The following HMGA2 variants were observed in gnomAD, a reference collection of about 807,000 sequenced individuals.
The protein encoded by HMGA2 is high mobility group AT-hook 2.
A neutral mutation model predicts 19.1 loss-of-function variants in HMGA2; 8 were observed. That is an observed-to-expected ratio of 0.42 (90% CI 0.25 to 0.76). HMGA2 has a LOEUF of 0.76. Ranked by LOEUF, HMGA2 falls within the 30% of genes least tolerant of loss-of-function variation. The pLI, the probability that HMGA2 is intolerant of heterozygous loss-of-function variation, is 0.28. For synonymous variants in HMGA2, 60 were observed against 48.8 expected, an observed-to-expected ratio of 1.23 and a Z score of -0.96; for missense variants, 109 against 136.3, an observed-to-expected ratio of 0.80 and a Z score of 1.00.
intron 3 of HMGA2, among the ~76,000 whole-genome samples, chr12:65,933,255 G>A (rs1005029595): frequency 2.6e-5 from 4 of 152,004 alleles, no homozygotes; most frequent in African/African-American, 2.4e-5. Context: ...GGACGATTCC[G>A]TGCTTCGTAA....
intron 3 of HMGA2, among the ~76,000 whole-genome samples, chr12:65,947,708 A>G (rs1290759531): frequency 1.3e-5 from 2 of 152,214 alleles, no homozygotes; most frequent in East Asian, 3.8e-4. Context: ...GATTTGTCTA[A>G]ACAACTTGAA....
intron 3 of HMGA2, among the ~76,000 whole-genome samples, chr12:65,943,487 T>C (rs962762339): frequency 6.6e-6 from 1 of 152,216 alleles, no homozygotes; most frequent in Admixed American, 6.5e-5. Context: ...ATTCTCATCC[T>C]TGAGCAGATG....
Position 65,825,417 on chromosome 12 carries a change from C to T in HMGA2, c.111+36C>T, listed in dbSNP as rs1870103521. The T allele has an allele frequency of 2.1e-6, 3 of 1,418,640 alleles. No individual in the cohort carries two copies. The highest frequency in any genetic ancestry group is 2.9e-5 in the East Asian group (1 of 34,314). 87.9% of individuals were successfully genotyped at this position (1,418,640 alleles called of 1,614,324 possible). A position where few individuals can be genotyped will look rare whatever the true frequency, so the allele number is the denominator to read the frequency against. On this transcript the variant is annotated intron_variant, in intron 1 of 4. Coordinates refer to ENST00000403681, the MANE Select transcript of HMGA2 (RefSeq NM_003483.6). This position sits in a 1 kb window ranked among gnomAD's most constrained non-coding sequence, Gnocchi z 4.4. ...GGGCGCGGTGGGGGCACCAGCCCAC[C>T]CCGTCCCCACTGCCGGGGCCCAGAC...
intron 3 of HMGA2, among the ~76,000 whole-genome samples, chr12:65,888,516 T>G: frequency 7.1e-6 from 1 of 141,436 alleles, no homozygotes. Context: ...ACTCATAGAC[T>G]CATTCATCCA....
chr12:65,875,589 ATTTTTTTTTTTTTTTTTTTT>A (rs71096056), intron 3 of HMGA2, among the ~76,000 whole-genome samples: 59 of 26,116 alleles, frequency 2.3e-3, no homozygotes, highest in East Asian at 4.0e-3. Flanking sequence ...GTGCCCGGCT[ATTTTTTTTTTTTTTTTTTTT>A]TTTTTTTTTT....
intron 3 of HMGA2, among the ~76,000 whole-genome samples, chr12:65,910,237 T>A (rs1427791932): frequency 5.9e-5 from 9 of 152,206 alleles, no homozygotes; most frequent in African/African-American, 1.7e-4. Context: ...GGAAGAGGCC[T>A]CTGCTCAGTC....
At chr12:65,839,160 T>C (rs960143022) in intron 3 of HMGA2, among the ~76,000 whole-genome samples, 1 of 152,030 alleles carries the variant, frequency 6.6e-6, no homozygotes, top group African/African-American at 2.4e-5. Context: ...ACATTAGAGA[T>C]AGCTGTATCC....
intron 3 of HMGA2, among the ~76,000 whole-genome samples, chr12:65,930,318 T>C (rs1206120346): frequency 6.6e-6 from 1 of 152,140 alleles, no homozygotes. Context: ...GGTACGGCCA[T>C]GACCACCACC....
chr12:65,922,758 G>A (rs1164187924), intron 3 of HMGA2, among the ~76,000 whole-genome samples: 1 of 152,106 alleles, frequency 6.6e-6, no homozygotes, highest in African/African-American at 2.4e-5. Context: ...TCAAATTGTA[G>A]CTCCTAGAAT....
Position 65,849,555 on chromosome 12 carries a change from C to T in HMGA2, c.249+10986C>T, listed in dbSNP as rs566401597. Among the ~76,000 whole-genome samples, 216 of 152,154 alleles carry T rather than the reference C, an allele frequency of 1.4e-3. 2 individuals are homozygous for T. The South Asian group carries it at 0.021, about 15-fold the overall frequency. ...ATTCCCCTTTCATATCTTTGGACTA[C>T]ATATTTTCCATATATATTTGGTGAA... On this transcript the variant is annotated intron_variant, in intron 3 of 4. Coordinates refer to ENST00000403681, the MANE Select transcript of HMGA2 (RefSeq NM_003483.6).
intron 3 of HMGA2, among the ~76,000 whole-genome samples, chr12:65,910,245 G>A (rs1472139569): frequency 1.3e-5 from 2 of 152,140 alleles, no homozygotes; most frequent in Non-Finnish European, 2.9e-5. Context: ...CCTCTGCTCA[G>A]TCTCTTAATT....
intron 3 of HMGA2, among the ~76,000 whole-genome samples, chr12:65,909,702 G>A (rs1364850227): frequency 6.6e-6 from 1 of 151,968 alleles, no homozygotes; most frequent in African/African-American, 2.4e-5. Flanking sequence ...CCTCTTTTTT[G>A]CCTATATAGA....
At chr12:65,925,214 G>C (rs1875465005) in intron 3 of HMGA2, among the ~76,000 whole-genome samples, 1 of 152,186 alleles carries the variant, frequency 6.6e-6, no homozygotes, top group South Asian at 2.1e-4. Flanking sequence ...TACATTTTAG[G>C]TTATAAGTTT....
Position 65,825,167 on chromosome 12 carries a change from C to T in HMGA2, c.-104C>T, listed in dbSNP as rs1466256870. 6.1e-6 allele frequency: 6 copies of T among 990,962 alleles called. No homozygotes were observed. Among genetic ancestry groups the T allele is most frequent in the Non-Finnish European group, 2.8e-6 (2 of 702,932 alleles). The allele number at this position is 990,962 out of a possible 1,614,324, so 61.4% of individuals were successfully genotyped here. Reference sequence around the variant, plus strand: ...GCCCGCCAGCTCGCGCTCGCCCCGCCGGCGTCCCCAGCCCTATCACCTCAT... The same window carrying T: ...GCCCGCCAGCTCGCGCTCGCCCCGCTGGCGTCCCCAGCCCTATCACCTCAT... On this transcript the variant is annotated 5_prime_UTR_variant, in exon 1 of 5. Transcript: ENST00000403681. This position sits in a 1 kb window ranked among gnomAD's most constrained non-coding sequence, Gnocchi z 4.4.
intron 3 of HMGA2, among the ~76,000 whole-genome samples, chr12:65,912,418 A>G (rs1010154669): frequency 6.6e-6 from 1 of 152,142 alleles, no homozygotes; most frequent in Admixed American, 6.5e-5. Context: ...AGCACTCTTC[A>G]TGGTGGGCCT....
Position 65,835,052 on chromosome 12 carries a change from C to T in HMGA2, c.199-3467C>T, listed in dbSNP as rs117190353. Among the ~76,000 whole-genome samples the T allele has an allele frequency of 3.9e-4, 59 of 152,298 alleles. 1 individual carries two copies. In the East Asian group the frequency reaches 0.011, roughly 28 times the overall value. The stretch of plus-strand genomic sequence containing the variant: ...ACCAATGAGAATTCCGACCATATCT[C>T]CCTTTTCTCTCTTGATGTGAGCAAT... On this transcript the variant is annotated intron_variant, in intron 2 of 4. Transcript: ENST00000403681.
intron 3 of HMGA2, among the ~76,000 whole-genome samples, chr12:65,888,484 C>T (rs528983752): frequency 8.8e-5 from 13 of 148,534 alleles, no homozygotes; most frequent in African/African-American, 3.0e-4. Context: ...AGAAAAGAAA[C>T]CTTAGAATAA....
intron 3 of HMGA2, among the ~76,000 whole-genome samples, chr12:65,845,455 G>A (rs567766635): frequency 6.6e-6 from 1 of 152,166 alleles, no homozygotes; most frequent in East Asian, 1.9e-4. Context: ...TTTTAGTAGA[G>A]ACGCAGTTTC....
chr12:65,839,641 A>G (rs1870907862), intron 3 of HMGA2, among the ~76,000 whole-genome samples: 1 of 152,158 alleles, frequency 6.6e-6, no homozygotes, highest in Non-Finnish European at 1.5e-5. Flanking sequence ...TTCTTAGCAT[A>G]AGGAAATGGG....
Sources: allele counts gnomAD v4.1 joint callset (sites outside exome capture counted in the v4.1 genomes callset), GRCh38; gene constraint gnomAD v4.1.1; non-coding constraint Gnocchi (gnomAD v3.1); transcripts MANE v1.5; gene names NCBI Gene and HGNC (gene_info 2026-07-23, HGNC 2026-07-21).